Variants in LRRC4C observed in about 807,000 individuals in gnomAD.
LRRC4C encodes leucine-rich repeat-containing protein 4C.
A neutral mutation model predicts 33.6 loss-of-function variants in LRRC4C; 5 were observed. The ratio of observed to expected loss-of-function variants is 0.15; its 90% CI spans 0.08 to 0.31. LRRC4C has a LOEUF of 0.31. Ranked by LOEUF, LRRC4C falls within the 10% of genes least tolerant of loss-of-function variation. The pLI is 1.00. For synonymous variants in LRRC4C, 329 were observed against 302.0 expected (o/e 1.09, Z -0.93); for missense variants, 560 against 796.7 (o/e 0.70, Z 3.58).
chr11:40,145,668 A>G (rs1456532386), intron 5 of LRRC4C, among the ~76,000 whole-genome samples: 1 of 152,204 alleles, frequency 6.6e-6, no homozygotes, highest in Non-Finnish European at 1.5e-5. Context: ...ACAGAAAGAT[A>G]AAGTGTCCAT....
chr11:40,983,148 T>A (rs771722247), intron 1 of LRRC4C, among the ~76,000 whole-genome samples: 3 of 152,172 alleles, frequency 2.0e-5, no homozygotes, highest in Non-Finnish European at 4.4e-5. Context: ...CATACATATG[T>A]CTTTACAATA....
intron 2 of LRRC4C, among the ~76,000 whole-genome samples, chr11:40,866,466 A>G (rs1954376499): frequency 6.6e-6 from 1 of 152,172 alleles, no homozygotes; most frequent in Non-Finnish European, 1.5e-5. Context: ...CCCACTTGTC[A>G]TCACAAAATG....
At chr11:40,702,315 C>A (rs1327877401) in intron 2 of LRRC4C, among the ~76,000 whole-genome samples, 1 of 152,096 alleles carries the variant, frequency 6.6e-6, no homozygotes, top group Admixed American at 6.6e-5. Flanking sequence ...ATTAATTTGA[C>A]TAAATAATCA....
chr11:40,194,854 C>T (rs924618798), intron 5 of LRRC4C, among the ~76,000 whole-genome samples: 1 of 151,946 alleles, frequency 6.6e-6, no homozygotes, highest in African/African-American at 2.4e-5. Context: ...TTTGGGAGGC[C>T]GAGGTGGGCG....
At chr11:40,335,642 G>C (rs77341015) in intron 3 of LRRC4C, among the ~76,000 whole-genome samples, 1 of 152,274 alleles carries the variant, frequency 6.6e-6, no homozygotes, top group African/African-American at 2.4e-5. Flanking sequence ...CTTTTTCACC[G>C]TCATTGTATG....
At position 40,633,325 on chromosome 11, in the gene LRRC4C, T is replaced by TTTTCTTTCTTTCTTTC. The variant is rs1555125485; in HGVS notation, c.-270+14801_-270+14816dup. 2.9e-3 allele frequency among the ~76,000 whole-genome samples: 326 copies of TTTTCTTTCTTTCTTTC among 112,114 alleles called. 6 individuals carry two copies. The highest frequency in any genetic ancestry group is 5.3e-3 in the African/African-American group (174 of 32,936). The allele number at this position is 112,114 out of a possible 152,430, so 73.6% of individuals were successfully genotyped here. On this transcript the variant is annotated intron_variant, in intron 3 of 6. Coordinates refer to ENST00000528697, the MANE Select transcript of LRRC4C (RefSeq NM_001258419.2). ...AAATCTTAGCTCAGCCAAGTTTTCT[T>TTTTCTTTCTTTCTTTC]TTTCTTTCTTTCTTTCTTTCTTTCT...
At chr11:40,881,168 G>A (rs1424930520) in intron 2 of LRRC4C, among the ~76,000 whole-genome samples, 1 of 151,970 alleles carries the variant, frequency 6.6e-6, no homozygotes, top group African/African-American at 2.4e-5. Flanking sequence ...TATGGCATAT[G>A]GTTTGGGGGA....
At chr11:41,120,820 C>T (rs1472263030) in intron 1 of LRRC4C, among the ~76,000 whole-genome samples, 1 of 152,118 alleles carries the variant, frequency 6.6e-6, no homozygotes, top group African/African-American at 2.4e-5. Context: ...GGGCAGATTT[C>T]TCCCATGCTG....
At chr11:40,348,209 A>C (rs1301885090) in intron 3 of LRRC4C, among the ~76,000 whole-genome samples, 1 of 55,332 alleles carries the variant, frequency 1.8e-5, no homozygotes, top group Non-Finnish European at 3.6e-5. Flanking sequence ...TGTTATGAAC[A>C]CATGTTGTTG....
At chr11:40,722,680 C>T (rs982255966) in intron 2 of LRRC4C, among the ~76,000 whole-genome samples, 2 of 152,180 alleles carry the variant, frequency 1.3e-5, no homozygotes, top group Non-Finnish European at 2.9e-5. Context: ...TGCAAGAACT[C>T]TAGAAATTCA....
At position 40,375,024 on chromosome 11, in the gene LRRC4C, T is replaced by C. The variant is rs188747660; in HGVS notation, c.-269-55303A>G. 2.7e-3 allele frequency among the ~76,000 whole-genome samples: 413 copies of C among 152,344 alleles called. 1 individual carries two copies. Among genetic ancestry groups the C allele is most frequent in the Non-Finnish European group, 4.3e-3 (293 of 68,034 alleles). ...TGAAAAATTATAAGTTGTATCCTTATGGATGCCTTGAGATTCCTAAGATAT... is the reference window on the plus strand; with the variant it reads ...TGAAAAATTATAAGTTGTATCCTTACGGATGCCTTGAGATTCCTAAGATAT... On this transcript the variant is annotated intron_variant, in intron 3 of 6. Coordinates refer to ENST00000528697, the MANE Select transcript of LRRC4C (RefSeq NM_001258419.2).
intron 2 of LRRC4C, among the ~76,000 whole-genome samples, chr11:40,718,877 C>T (rs1946863656): frequency 6.6e-6 from 1 of 152,040 alleles, no homozygotes; most frequent in East Asian, 1.9e-4. Context: ...TCATTTCCTA[C>T]CCTCTCATTT....
intron 2 of LRRC4C, among the ~76,000 whole-genome samples, chr11:40,863,328 G>T (rs2135866527): frequency 6.6e-6 from 1 of 152,274 alleles, no homozygotes; most frequent in East Asian, 1.9e-4. Context: ...CAAGAAAATG[G>T]AAAGGCTCAT....
chr11:41,151,440 G>T (rs370106655), intron 1 of LRRC4C, among the ~76,000 whole-genome samples: 1 of 152,186 alleles, frequency 6.6e-6, no homozygotes, highest in Admixed American at 6.5e-5. Context: ...TCTATGTGGG[G>T]AAGGGAATAG....
At chr11:40,361,293 A>G (rs1590442920) in intron 3 of LRRC4C, among the ~76,000 whole-genome samples, 1 of 152,166 alleles carries the variant, frequency 6.6e-6, no homozygotes, top group Non-Finnish European at 1.5e-5. Flanking sequence ...ATAGAAAGAG[A>G]GGAAGTCAAA....
At chr11:40,605,115 T>C (rs1960434652) in intron 3 of LRRC4C, among the ~76,000 whole-genome samples, 3 of 152,094 alleles carry the variant, frequency 2.0e-5, no homozygotes, top group African/African-American at 7.2e-5. Context: ...ATTCCGAACA[T>C]TTTTATGGAA....
intron 1 of LRRC4C, among the ~76,000 whole-genome samples, chr11:41,406,748 A>ACACG (rs1555166866): frequency 0.011 from 1,648 of 145,468 alleles, 47 homozygotes; most frequent in African/African-American, 0.04. Context: ...ACACACACAC[A>ACACG]CACGCACCCT....
intron 1 of LRRC4C, among the ~76,000 whole-genome samples, chr11:41,236,171 A>G (rs967191770): frequency 6.6e-6 from 1 of 152,020 alleles, no homozygotes; most frequent in African/African-American, 2.4e-5. Flanking sequence ...TTAGCGCTTC[A>G]CCTTCCATCT....
At chr11:40,873,680 G>C (rs190875632) in intron 2 of LRRC4C, among the ~76,000 whole-genome samples, 1 of 152,246 alleles carries the variant, frequency 6.6e-6, no homozygotes, top group Admixed American at 6.6e-5. Context: ...GCATGGATTA[G>C]ACAATTGAGG....
Sources: allele counts gnomAD v4.1 joint callset (sites outside exome capture counted in the v4.1 genomes callset), GRCh38; gene constraint gnomAD v4.1.1; transcripts MANE v1.5; gene names NCBI Gene and HGNC (gene_info 2026-07-23, HGNC 2026-07-21).